Variants in UCK2 observed in about 807,000 individuals in gnomAD.
UCK2 encodes the protein uridine-cytidine kinase 2.
UCK2 carries 6 observed loss-of-function variants against 30.8 expected under a neutral mutation model. The ratio of observed to expected loss-of-function variants is 0.19; its 90% confidence interval spans 0.11 to 0.38. The LOEUF is 0.38. UCK2 is among the 10% of genes least tolerant of loss of function. The pLI is 1.00. For synonymous variants in UCK2, 125 were observed against 133.6 expected, an observed-to-expected ratio of 0.94 and a Z score of 0.45; for missense variants, 210 against 339.8, an observed-to-expected ratio of 0.62 and a Z score of 3.00.
chr1:165,878,484 C>T (rs948910443), intron 1 of UCK2, among the ~76,000 whole-genome samples: 4 of 152,108 alleles, frequency 2.6e-5, no homozygotes, highest in African/African-American at 9.7e-5. Flanking sequence ...GTGCGTGCCA[C>T]CATGCCCAGC....
At chr1:165,844,707 C>G (rs557403160) in intron 1 of UCK2, among the ~76,000 whole-genome samples, 4 of 152,174 alleles carry the variant, frequency 2.6e-5, no homozygotes, top group Non-Finnish European at 5.9e-5. Context: ...GAAGGTCGAG[C>G]TGATCACTAA....
chr1:165,885,841 A>G (rs555863595), intron 1 of UCK2, among the ~76,000 whole-genome samples: 10 of 152,360 alleles, frequency 6.6e-5, no homozygotes, highest in African/African-American at 2.2e-4. Context: ...TGCTGAGCCC[A>G]GTACCTAGCA....
At chr1:165,835,729 T>G (rs557018741) in intron 1 of UCK2, among the ~76,000 whole-genome samples, 1 of 152,360 alleles carries the variant, frequency 6.6e-6, no homozygotes, top group Non-Finnish European at 1.5e-5. Flanking sequence ...TTTTTCTTTT[T>G]TCCTCAATCA....
At position 165,891,269 on chromosome 1, in the gene UCK2, C is replaced by T. The variant is rs746717566; in HGVS notation, c.303C>T (p.Ile101=). The T allele has an allele frequency of 1.1e-5, 17 of 1,614,078 alleles. No homozygotes were observed. In the South Asian group the frequency reaches 1.9e-4, roughly 18 times the overall value. ...TCATTCTCAAAACACTCAAAGAAAT[C>T]ACTGAAGGGAAAACAGTCCAGATCC... is the stretch of plus-strand genomic sequence containing the variant. ...NELILKTLKE[I]TEGKTVQIPV... is the part of the protein sequence containing the mutation. The change falls in exon 3 of 7, where the codon ATC becomes ATT. Residue 101 remains isoleucine, a synonymous_variant. Transcript: ENST00000367879.
At chr1:165,888,432 C>T (rs528112945) in intron 1 of UCK2, among the ~76,000 whole-genome samples, 3 of 152,088 alleles carry the variant, frequency 2.0e-5, no homozygotes, top group South Asian at 4.2e-4. Context: ...GCTGGGACTA[C>T]AGGCATGTGC....
chr1:165,885,607 A>AATG, intron 1 of UCK2, among the ~76,000 whole-genome samples: 1 of 152,342 alleles, frequency 6.6e-6, no homozygotes, highest in Admixed American at 6.5e-5. Context: ...TATTATACAA[A>AATG]ATGAAGCTGA....
chr1:165,845,091 A>G (rs1370212636), intron 1 of UCK2, among the ~76,000 whole-genome samples: 1 of 152,168 alleles, frequency 6.6e-6, no homozygotes, highest in Non-Finnish European at 1.5e-5. Context: ...GGGACCTGCC[A>G]TTGGCATCTG....
chr1:165,835,991 G>C (rs1203411719), intron 1 of UCK2, among the ~76,000 whole-genome samples: 1 of 152,150 alleles, frequency 6.6e-6, no homozygotes, highest in Non-Finnish European at 1.5e-5. Flanking sequence ...CACTTTGAGA[G>C]GCCTAGGCAG....
intron 1 of UCK2, among the ~76,000 whole-genome samples, chr1:165,838,647 C>T (rs963070155): frequency 1.3e-5 from 2 of 151,998 alleles, no homozygotes; most frequent in African/African-American, 4.8e-5. Flanking sequence ...TGTATTTCCT[C>T]TTGGGGTACC....
chr1:165,905,996 G>C, intron 6 of UCK2, 27 bp downstream of exon 6: 23 of 1,606,976 alleles, frequency 1.4e-5, no homozygotes, highest in Non-Finnish European at 1.7e-5. Flanking sequence ...TGTCATCCTG[G>C]AGTATAATGT....
chr1:165,901,258 C>A (rs1298020463), intron 4 of UCK2, among the ~76,000 whole-genome samples: 1 of 152,194 alleles, frequency 6.6e-6, no homozygotes, highest in Non-Finnish European at 1.5e-5. Context: ...ATTACCAGGT[C>A]TCCCATGGAG....
rs1249965357 is a variant in UCK2, at chr1:165,896,026, C to T, written c.357-164C>T. 5.8e-6 allele frequency: 5 copies of T among 866,332 alleles called. No homozygotes were observed. The East Asian group carries it at 7.4e-5, about 13-fold the overall frequency. 53.7% of individuals were successfully genotyped at this position (866,332 alleles called of 1,614,324 possible). A position where few individuals can be genotyped will look rare whatever the true frequency, so the allele number is the denominator to read the frequency against. ...TCACCCTTGGCTCTTTGGTGGTGGT[C>T]CGAGGGCTCTGTAAGACCATATTAG... On this transcript the variant is annotated intron_variant, in intron 3 of 6. Coordinates refer to ENST00000367879, the MANE Select transcript of UCK2 (RefSeq NM_012474.5).
intron 1 of UCK2, among the ~76,000 whole-genome samples, chr1:165,875,530 A>T (rs557085529): frequency 1.1e-4 from 16 of 152,192 alleles, no homozygotes; most frequent in Admixed American, 4.6e-4. Flanking sequence ...CAAATCCCAC[A>T]GGTTGGAAAC....
intron 1 of UCK2, among the ~76,000 whole-genome samples, chr1:165,876,443 T>C (rs1655339779): frequency 6.6e-6 from 1 of 152,190 alleles, no homozygotes; most frequent in African/African-American, 2.4e-5. Flanking sequence ...AGCAACAGTT[T>C]ACCATTAGAG....
In UCK2 at chr1:165,908,558, T is replaced by G. The variant is rs1468407594; in HGVS notation, c.*735T>G. ...TGCCCTGCTCCCACCTTCTCGCCTC[T>G]GGCTGCTTGGATAGCTTGGTGACTC... On this transcript the variant is annotated 3_prime_UTR_variant, in exon 7 of 7. Coordinates refer to ENST00000367879, the MANE Select transcript of UCK2 (RefSeq NM_012474.5). 3 of 152,048 alleles carry G rather than the reference T, an allele frequency of 2.0e-5. No homozygotes were observed. Among genetic ancestry groups the G allele is most frequent in the African/African-American group, 7.2e-5 (3 of 41,392 alleles). 9.4% of individuals were successfully genotyped at this position (152,048 alleles called of 1,614,324 possible). A position where few individuals can be genotyped will look rare whatever the true frequency, so the allele number is the denominator to read the frequency against.
chr1:165,891,581 T>G (rs902045817), intron 3 of UCK2: 17 of 391,814 alleles, frequency 4.3e-5, no homozygotes, highest in Non-Finnish European at 6.9e-5. Flanking sequence ...GGGATAGTGA[T>G]TTCAGCTTGA....
At chr1:165,878,524 T>C (rs935860495) in intron 1 of UCK2, among the ~76,000 whole-genome samples, 21 of 151,926 alleles carry the variant, frequency 1.4e-4, no homozygotes, top group Non-Finnish European at 1.9e-4. Flanking sequence ...GGAGACGGGG[T>C]TTGGTGAAAC....
At position 165,852,594 on chromosome 1, in the gene UCK2, G is replaced by A. The variant is rs548443014; in HGVS notation, c.99+24662G>A. Among the ~76,000 whole-genome samples, 6 of 152,288 alleles carry A rather than the reference G, an allele frequency of 3.9e-5. No homozygotes were observed. The South Asian group carries it at 1.0e-3, about 26-fold the overall frequency. On this transcript the variant is annotated intron_variant, in intron 1 of 6. Transcript: ENST00000367879. The stretch of plus-strand genomic sequence containing the variant: ...ATGCTGACGAGACTGTGGAGAAATG[G>A]GAATGCTTATACACTGTTGGTAGGA...
In UCK2 at chr1:165,891,627, C is replaced by T. The variant is rs375003082; in HGVS notation, c.356+305C>T. The T allele has an allele frequency of 1.9e-5, 6 of 311,958 alleles. No homozygotes were observed. The East Asian group carries it at 2.5e-4, about 13-fold the overall frequency. 19.3% of individuals were successfully genotyped at this position (311,958 alleles called of 1,614,324 possible). Reference sequence around the variant, plus strand: ...GTGCATTCTGATCCACATTCCAGTGCTGCTGTTCCTGGAACAAGATGTAAG... The same window carrying T: ...GTGCATTCTGATCCACATTCCAGTGTTGCTGTTCCTGGAACAAGATGTAAG... On this transcript the variant is annotated intron_variant, in intron 3 of 6. Coordinates refer to ENST00000367879, the MANE Select transcript of UCK2 (RefSeq NM_012474.5).
Sources: gnomAD v4.1 joint callset for allele counts (sites outside exome capture counted in the v4.1 genomes callset) on GRCh38, gnomAD v4.1.1 for gene constraint, MANE v1.5 for transcripts, NCBI Gene and HGNC (gene_info 2026-07-23, HGNC 2026-07-21) for gene names.